Variants in WNK2 observed in about 807,000 individuals in gnomAD.
WNK2 encodes WNK lysine deficient protein kinase 2, also known as serine/threonine-protein kinase WNK2.
In WNK2, 67 loss-of-function variants were observed where a neutral mutation model predicts 192.1. The observed-to-expected ratio is 0.35, with a 90% CI of 0.29 to 0.43. WNK2 has a LOEUF of 0.43. Ranked by LOEUF, WNK2 falls within the 20% of genes least tolerant of loss-of-function variation. WNK2 has a pLI of 1.00. For missense variants in WNK2, 2,698 were observed against 3,089.7 expected (o/e 0.87, Z 3.01); for synonymous variants, 1,439 against 1,393.9 (o/e 1.03, Z -0.72).
chr9:93,252,283 C>T (rs1172830612), intron 8 of WNK2, among the ~76,000 whole-genome samples: 2 of 152,160 alleles, frequency 1.3e-5, no homozygotes, highest in East Asian at 1.9e-4. Context: ...CTGAGCCATG[C>T]GAGGCCTCTG....
intron 6 of WNK2, 89 bp downstream of exon 6, chr9:93,238,410 G>A (rs75420448): frequency 1.6e-6 from 2 of 1,276,364 alleles, no homozygotes; most frequent in African/African-American, 1.5e-5. Flanking sequence ...TTGATGAGGG[G>A]ACTTCAAGAC....
chr9:93,289,707 C>A, intron 20 of WNK2, 87 bp downstream of exon 20: 1 of 1,302,102 alleles, frequency 7.7e-7, no homozygotes, highest in Non-Finnish European at 1.0e-6. Flanking sequence ...GGCATCTTGG[C>A]TATGCAGAGC....
chr9:93,188,647 G>A (rs757431959), intron 2 of WNK2, among the ~76,000 whole-genome samples: 2 of 152,176 alleles, frequency 1.3e-5, no homozygotes, highest in Non-Finnish European at 2.9e-5. Flanking sequence ...TGTTCCTGTG[G>A]TCATCTTTGG....
chr9:93,272,412 A>G (rs1325803262), intron 19 of WNK2, among the ~76,000 whole-genome samples: 1 of 152,224 alleles, frequency 6.6e-6, no homozygotes, highest in Admixed American at 6.5e-5. Context: ...AAAGATGTGT[A>G]TAGGCAAAAT....
chr9:93,263,515 C>T lies in WNK2; in HGVS notation c.3411-51C>T, dbSNP rs1297592200. 22 of 1,593,636 alleles carry T rather than the reference C, an allele frequency of 1.4e-5. No individual in the cohort carries two copies. The Admixed American group carries it at 1.7e-4, about 13-fold the overall frequency. ...ATAAGCTGACTTTCCCCGCCATTGC[C>T]GACGTGCTGGTTGTCCTTTGGTGCC... is the stretch of plus-strand genomic sequence containing the variant. On this transcript the variant is annotated intron_variant, in intron 14 of 29. Transcript: ENST00000427277.
intron 2 of WNK2, among the ~76,000 whole-genome samples, chr9:93,223,593 G>GA (rs1174811653): frequency 2.0e-5 from 3 of 152,248 alleles, no homozygotes; most frequent in Non-Finnish European, 4.4e-5. Context: ...GAGCATGGGG[G>GA]ATGGTGTGGC....
At chr9:93,287,995 G>A (rs1272604263) in intron 19 of WNK2, among the ~76,000 whole-genome samples, 2 of 152,126 alleles carry the variant, frequency 1.3e-5, no homozygotes, top group African/African-American at 4.8e-5. Context: ...GCAGTGAGGC[G>A]AGATTGCACC....
rs1299860637 is a variant in WNK2 at position 93,293,119 on chromosome 9, A to G, written c.5654A>G (p.Asp1885Gly). 1 of 1,586,776 alleles carries G rather than the reference A, an allele frequency of 6.3e-7. No individual in the cohort carries two copies. Among genetic ancestry groups the G allele is most frequent in the Admixed American group, 1.8e-5 (1 of 54,464 alleles). Residue 1885 changes from aspartate (D) to glycine (G), a missense_variant, in exon 23 of 30, where the codon GAT becomes GGT. Coordinates refer to ENST00000427277, the MANE Select transcript of WNK2 (RefSeq NM_006648.4). The part of the protein sequence containing the change: ...SQSSYISSDN[D>G]SELEDADIKK... ...TCGTCCTACATCAGCAGCGACAATG[A>G]TTCGGAGCTCGAGGATGCTGACATA...
intron 19 of WNK2, among the ~76,000 whole-genome samples, chr9:93,283,226 A>G (rs1847983263): frequency 6.6e-6 from 1 of 152,234 alleles, no homozygotes; most frequent in Non-Finnish European, 1.5e-5. Context: ...TGATAGTAAT[A>G]AAAGTATGTA....
rs772309092 is a variant in WNK2 at position 93,252,952 on chromosome 9, T to C, written c.1904T>C (p.Val635Ala). ...YSDSQSSQQS[V>A]MLGSLADAAP... ...GACTCGCAGAGCAGCCAGCAGAGCG[T>C]GATGCTTGGCTCCCTTGCCGACGCA... The change falls in exon 9 of 30, where the codon GTG becomes GCG. Residue 635 changes from valine (V) to alanine (A), a missense_variant. By Grantham distance (64) the Val-to-Ala change is moderately conservative. This residue lies in a region of WNK2 where 893 missense variants were observed against 909.0 expected (regional missense o/e 0.98). Transcript: ENST00000427277. The C allele has an allele frequency of 1.3e-6, 2 of 1,578,334 alleles. No individual in the cohort carries two copies. The highest frequency in any genetic ancestry group is 1.7e-6 in the Non-Finnish European group (2 of 1,163,212).
At chr9:93,200,205 G>C (rs1832083971) in intron 2 of WNK2, among the ~76,000 whole-genome samples, 1 of 152,178 alleles carries the variant, frequency 6.6e-6, no homozygotes, top group Non-Finnish European at 1.5e-5. Context: ...GACATGGATG[G>C]CTTATCGGGG....
intron 7 of WNK2, among the ~76,000 whole-genome samples, chr9:93,240,541 T>A (rs910056838): frequency 2.0e-5 from 3 of 152,074 alleles, no homozygotes; most frequent in Non-Finnish European, 4.4e-5. Flanking sequence ...GAAGTGCCGC[T>A]TTGTGCTGGG....
chr9:93,234,655 C>T (rs577715396), intron 4 of WNK2, among the ~76,000 whole-genome samples, 153 bp from the exon 5 acceptor site: 1 of 152,186 alleles, frequency 6.6e-6, no homozygotes, highest in African/African-American at 2.4e-5. Flanking sequence ...AAGTGAGGGG[C>T]AGGGCTGGCC....
chr9:93,277,883 G>A (rs2133489699), intron 19 of WNK2, among the ~76,000 whole-genome samples: 1 of 152,180 alleles, frequency 6.6e-6, no homozygotes, highest in Non-Finnish European at 1.5e-5. Flanking sequence ...AGATGACCAG[G>A]CAGATAATGA....
intron 5 of WNK2, among the ~76,000 whole-genome samples, chr9:93,236,255 T>C (rs1467290417): frequency 6.6e-6 from 1 of 152,062 alleles, no homozygotes; most frequent in Non-Finnish European, 1.5e-5. Context: ...TGGTGGTCTG[T>C]CCTGAAGCTG....
At chr9:93,200,331 A>G (rs1253002708) in intron 2 of WNK2, among the ~76,000 whole-genome samples, 1 of 152,172 alleles carries the variant, frequency 6.6e-6, no homozygotes, top group Admixed American at 6.5e-5. Flanking sequence ...GGTCAGCTGG[A>G]TATGGCTGGG....
At chr9:93,256,690 A>T in intron 10 of WNK2, 1 of 665,974 alleles carries the variant, frequency 1.5e-6, no homozygotes, top group Non-Finnish European at 2.5e-6. Flanking sequence ...TGCCCTGCAC[A>T]TGGAAGGCTC....
At chr9:93,205,593 C>T (rs1472581036) in intron 2 of WNK2, among the ~76,000 whole-genome samples, 1 of 152,246 alleles carries the variant, frequency 6.6e-6, no homozygotes, top group Non-Finnish European at 1.5e-5. Context: ...AGCCTGGTCT[C>T]CATAGCAACA....
At chr9:93,240,936 C>T (rs910190826) in intron 7 of WNK2, among the ~76,000 whole-genome samples, 3 of 152,338 alleles carry the variant, frequency 2.0e-5, no homozygotes, top group African/African-American at 7.2e-5. Context: ...CAATGCAGGA[C>T]GTTTCTGGCC....
Sources: allele counts gnomAD v4.1 joint callset (sites outside exome capture counted in the v4.1 genomes callset), GRCh38; gene constraint gnomAD v4.1.1; regional missense constraint gnomAD v4.1.1; transcripts MANE v1.5; gene names NCBI Gene and HGNC (gene_info 2026-07-23, HGNC 2026-07-21).